The following FRMD4A variants were observed in gnomAD, a reference collection of about 807,000 sequenced individuals.
FRMD4A encodes the protein FERM domain-containing protein 4A.
A neutral mutation model predicts 129.1 loss-of-function variants in FRMD4A; 29 were observed. The ratio of observed to expected loss-of-function variants is 0.22; its 90% CI spans 0.17 to 0.31. The LOEUF (loss-of-function observed/expected upper bound fraction) is 0.31, where lower values mean the gene tolerates loss of function less well. FRMD4A is among the 10% of genes least tolerant of loss of function. The pLI, the probability that FRMD4A is intolerant of heterozygous loss-of-function variation, is 1.00. For synonymous variants in FRMD4A, 634 were observed against 571.6 expected, an observed-to-expected ratio of 1.11 and a Z score of -1.56; for missense variants, 1,272 against 1,375.8, an observed-to-expected ratio of 0.92 and a Z score of 1.19.
intron 3 of FRMD4A, among the ~76,000 whole-genome samples, chr10:13,824,427 T>C (rs1185829875): frequency 6.8e-6 from 1 of 148,092 alleles, no homozygotes; most frequent in African/African-American, 2.5e-5. Context: ...CAGGTGGAGG[T>C]TGCAGTGAGC....
intron 2 of FRMD4A, among the ~76,000 whole-genome samples, chr10:14,079,592 A>C (rs1466336424): frequency 6.6e-6 from 1 of 152,248 alleles, no homozygotes; most frequent in African/African-American, 2.4e-5. Flanking sequence ...CAATGCTTTT[A>C]GGCAACACAT....
At chr10:13,699,148 TG>T (rs1187496581) in intron 14 of FRMD4A, among the ~76,000 whole-genome samples, 1 of 149,334 alleles carries the variant, frequency 6.7e-6, no homozygotes, top group Non-Finnish European at 1.5e-5. Context: ...CTCTGCCTCC[TG>T]GGTTCAAGCA....
At chr10:14,234,707 TA>T (rs11320195) in intron 2 of FRMD4A, among the ~76,000 whole-genome samples, 9,483 of 152,292 alleles carry the variant, frequency 0.062, 365 homozygotes, top group Middle Eastern at 0.11. Flanking sequence ...AGCTCGATGC[TA>T]AAAACCAATT....
At chr10:13,750,073 A>AAGG (rs1564738857) in intron 8 of FRMD4A, among the ~76,000 whole-genome samples, 4 of 69,000 alleles carry the variant, frequency 5.8e-5, no homozygotes, top group African/African-American at 1.4e-4. Context: ...AGGAAGGAAG[A>AAGG]AAGAAAGAAA....
intron 2 of FRMD4A, among the ~76,000 whole-genome samples, chr10:14,200,842 G>A (rs1272424682): frequency 4.6e-5 from 7 of 152,120 alleles, no homozygotes; most frequent in African/African-American, 1.2e-4. Flanking sequence ...AGGTTCTGCC[G>A]GTAGGGGGCG....
chr10:14,084,960 A>G (rs1292003634), intron 2 of FRMD4A, among the ~76,000 whole-genome samples: 4 of 152,180 alleles, frequency 2.6e-5, no homozygotes, highest in Non-Finnish European at 5.9e-5. Flanking sequence ...GGAATTGTCA[A>G]TAACAAACTA....
chr10:14,324,253 A>T (rs116248695), intron 2 of FRMD4A, among the ~76,000 whole-genome samples: 20 of 152,370 alleles, frequency 1.3e-4, no homozygotes, highest in African/African-American at 4.6e-4. Context: ...TGTACACTAA[A>T]TAGTAACTAA....
intron 2 of FRMD4A, among the ~76,000 whole-genome samples, chr10:14,100,541 G>A (rs555732154): frequency 9.2e-5 from 14 of 152,166 alleles, no homozygotes; most frequent in South Asian, 2.1e-4. Context: ...AATGAAAGAC[G>A]TCAACCTTTC....
chr10:13,722,476 C>T (rs2089516160), intron 12 of FRMD4A, among the ~76,000 whole-genome samples: 1 of 150,952 alleles, frequency 6.6e-6, no homozygotes, highest in South Asian at 2.1e-4. Flanking sequence ...GAACTCCTGG[C>T]CTCAAGCAAT....
chr10:14,263,082 G>T (rs1334256157), intron 2 of FRMD4A, among the ~76,000 whole-genome samples: 2 of 152,292 alleles, frequency 1.3e-5, no homozygotes, highest in Middle Eastern at 6.8e-3. Flanking sequence ...AGGACAAATG[G>T]CCTACGGAGA....
rs147080415 is a variant in FRMD4A at position 14,048,824 on chromosome 10, T to TTAGAATAGAA, written c.46-189922_46-189913dup. On this transcript the variant is annotated intron_variant, in intron 2 of 24. Transcript: ENST00000357447. ...CTTGTCTCAAATAAAATAGAATAGATTAGAATAGAATAGAATAGAATAGAA... is the reference window on the plus strand; with the variant it reads ...CTTGTCTCAAATAAAATAGAATAGATTAGAATAGAATAGAATAGAATAGAATAGAATAGAA... Among the ~76,000 whole-genome samples the TTAGAATAGAA allele has an allele frequency of 5.2e-3, 630 of 122,058 alleles. 24 individuals are homozygous for TTAGAATAGAA. The highest frequency in any genetic ancestry group is 0.014 in the East Asian group (53 of 3,924). The allele number at this position is 122,058 out of a possible 152,430, so 80.1% of individuals were successfully genotyped here.
intron 21 of FRMD4A, among the ~76,000 whole-genome samples, chr10:13,658,119 A>G (rs1589234968): frequency 7.3e-6 from 1 of 136,814 alleles, no homozygotes. Context: ...ACAGGGCAAG[A>G]CCCTGTCTCT....
At chr10:14,274,829 G>A (rs958052599) in intron 2 of FRMD4A, among the ~76,000 whole-genome samples, 13 of 152,170 alleles carry the variant, frequency 8.5e-5, no homozygotes, top group African/African-American at 2.9e-4. Context: ...CAGTCAGACA[G>A]GGCTGCACCA....
intron 2 of FRMD4A, among the ~76,000 whole-genome samples, chr10:13,977,122 A>C (rs1276919436): frequency 6.6e-6 from 1 of 152,204 alleles, no homozygotes; most frequent in African/African-American, 2.4e-5. Context: ...AATCCACAAG[A>C]GTGAGAGGGA....
chr10:13,666,197 C>G lies in FRMD4A; in HGVS notation c.1503G>C (p.Leu501=), dbSNP rs754518895. Residue 501 remains leucine (L), a synonymous_variant, in exon 18 of 25, where the codon CTG becomes CTC. Transcript: ENST00000357447. ...KLKKQRKTSY[L]NALKKLQEIE... ...TCTCCTGCAGTTTCTTCAGTGCATT[C>G]AGATACGAGGTTTTCCTTTGTTTCT... 1 of 1,613,510 alleles carries G rather than the reference C, an allele frequency of 6.2e-7. No individual in the cohort carries two copies. The highest frequency in any genetic ancestry group is 8.5e-7 in the Non-Finnish European group (1 of 1,179,416).
intron 2 of FRMD4A, among the ~76,000 whole-genome samples, chr10:14,253,976 G>A (rs896999323): frequency 2.0e-5 from 3 of 152,144 alleles, no homozygotes; most frequent in Non-Finnish European, 4.4e-5. Context: ...GTTCCCCTCT[G>A]CAGACGATAC....
intron 2 of FRMD4A, among the ~76,000 whole-genome samples, chr10:14,121,017 C>A (rs7908576): frequency 0.56 from 85,656 of 151,790 alleles, 24,617 homozygotes; most frequent in African/African-American, 0.69. Flanking sequence ...TATGCCTCAC[C>A]CTGTCATGTA....
intron 2 of FRMD4A, among the ~76,000 whole-genome samples, chr10:13,951,616 G>A (rs2095370843): frequency 6.6e-6 from 1 of 152,046 alleles, no homozygotes; most frequent in Admixed American, 6.6e-5. Context: ...TTGGCTGGGC[G>A]TGGTGGCTCA....
intron 2 of FRMD4A, among the ~76,000 whole-genome samples, chr10:14,024,572 G>A (rs1271717029): frequency 6.6e-6 from 1 of 152,224 alleles, no homozygotes; most frequent in Non-Finnish European, 1.5e-5. Context: ...GAACATCGCA[G>A]GCTGGACTGC....
Sources: allele counts gnomAD v4.1 joint callset (sites outside exome capture counted in the v4.1 genomes callset), GRCh38; gene constraint gnomAD v4.1.1; transcripts MANE v1.5; gene names NCBI Gene and HGNC (gene_info 2026-07-23, HGNC 2026-07-21).